Variants in CADPS observed in about 807,000 individuals in gnomAD.
CADPS encodes calcium dependent secretion activator, also known as calcium-dependent secretion activator 1.
Under a neutral mutation model 167.3 loss-of-function variants are expected in CADPS, and 57 were observed. The observed-to-expected ratio is 0.34, with a 90% CI of 0.28 to 0.42. The LOEUF is 0.42. Ranked by LOEUF, CADPS falls within the 20% of genes least tolerant of loss-of-function variation. The pLI, the probability that CADPS is intolerant of heterozygous loss-of-function variation, is 1.00. For missense variants in CADPS, 1,414 were observed against 1,738.1 expected, an observed-to-expected ratio of 0.81 and a Z score of 3.32; for synonymous variants, 676 against 635.3, an observed-to-expected ratio of 1.06 and a Z score of -0.96.
chr3:62,425,326 C>A (rs1228098646), intron 28 of CADPS, among the ~76,000 whole-genome samples: 1 of 152,100 alleles, frequency 6.6e-6, no homozygotes, highest in Non-Finnish European at 1.5e-5. Flanking sequence ...GCCAGTAGCA[C>A]CCTCCCGCCA....
Position 62,648,691 on chromosome 3 carries a change from C to CAAAA in CADPS, c.1203+2152_1203+2155dup, listed in dbSNP as rs55665003. ...TGGGCAACAGAGTGAGACGTTGTGTCAAAAAAAAAAAAAAGAGGAAAGAAA... is the reference window on the plus strand; with the variant it reads ...TGGGCAACAGAGTGAGACGTTGTGTCAAAAAAAAAAAAAAAAAAGAGGAAAGAAA... On this transcript the variant is annotated intron_variant, in intron 5 of 29. Coordinates refer to ENST00000383710, the MANE Select transcript of CADPS (RefSeq NM_003716.4). 1.5e-3 allele frequency among the ~76,000 whole-genome samples: 83 copies of CAAAA among 54,552 alleles called. 16 individuals are homozygous for CAAAA. Among genetic ancestry groups the CAAAA allele is most frequent in the South Asian group, 2.7e-3 (4 of 1,470 alleles). 35.8% of individuals were successfully genotyped at this position (54,552 alleles called of 152,430 possible).
rs116545611 is a variant in CADPS, at chr3:62,854,730, T to A, written c.441+19859A>T. 4.0e-3 allele frequency among the ~76,000 whole-genome samples: 606 copies of A among 152,340 alleles called. 2 individuals are homozygous for A. Among genetic ancestry groups the A allele is most frequent in the African/African-American group, 0.014 (583 of 41,582 alleles). ...TCTTCCCAATGTAAAACATCTACATTGAGCCTGAAAAATATTTCCTGTTTG... is the reference window on the plus strand; with the variant it reads ...TCTTCCCAATGTAAAACATCTACATAGAGCCTGAAAAATATTTCCTGTTTG... On this transcript the variant is annotated intron_variant, in intron 1 of 29. Coordinates refer to ENST00000383710, the MANE Select transcript of CADPS (RefSeq NM_003716.4).
intron 8 of CADPS, among the ~76,000 whole-genome samples, chr3:62,582,367 G>T (rs2083599724): frequency 6.6e-6 from 1 of 152,158 alleles, no homozygotes; most frequent in Non-Finnish European, 1.5e-5. Context: ...GATGGCTTGA[G>T]CCTGGGAGGC....
intron 27 of CADPS, among the ~76,000 whole-genome samples, chr3:62,441,893 C>A (rs1312885291): frequency 6.6e-6 from 1 of 152,174 alleles, no homozygotes; most frequent in Non-Finnish European, 1.5e-5. Flanking sequence ...TCAAGAATCA[C>A]TGATTTAGTC....
At chr3:62,861,435 T>G (rs2080785528) in intron 1 of CADPS, among the ~76,000 whole-genome samples, 1 of 152,202 alleles carries the variant, frequency 6.6e-6, no homozygotes, top group African/African-American at 2.4e-5. Flanking sequence ...CAACAATTGC[T>G]GTAGGGAAAT....
chr3:62,553,928 C>T (rs1393503634), intron 10 of CADPS, among the ~76,000 whole-genome samples: 1 of 152,104 alleles, frequency 6.6e-6, no homozygotes, highest in Non-Finnish European at 1.5e-5. Flanking sequence ...CACAGTCCCA[C>T]AATTCAAAGA....
intron 28 of CADPS, among the ~76,000 whole-genome samples, chr3:62,424,449 C>G (rs2052186571): frequency 6.6e-6 from 1 of 152,138 alleles, no homozygotes; most frequent in South Asian, 2.1e-4. Context: ...TCCCAAAGTG[C>G]TGGTACTACA....
chr3:62,550,582 G>A (rs907552616), intron 10 of CADPS, among the ~76,000 whole-genome samples: 1 of 152,128 alleles, frequency 6.6e-6, no homozygotes, highest in Non-Finnish European at 1.5e-5. Context: ...TGCAGCTTCT[G>A]ATTCAGTACG....
chr3:62,499,280 G>T lies in CADPS; in HGVS notation c.2600-12C>A. On this transcript the variant is annotated splice_polypyrimidine_tract_variant and intron_variant, in intron 17 of 29. Coordinates refer to ENST00000383710, the MANE Select transcript of CADPS (RefSeq NM_003716.4). ...CCGGCCTACATTTTCTGTAGTACAA[G>T]AGTTTGTGTTAAAATTCAGCGAAAG... The T allele has an allele frequency of 1.3e-6, 2 of 1,577,158 alleles. No homozygotes were observed. The highest frequency in any genetic ancestry group is 2.2e-5 in the East Asian group (1 of 44,666).
intron 10 of CADPS, among the ~76,000 whole-genome samples, chr3:62,554,903 C>T (rs950837323): frequency 2.0e-5 from 3 of 152,126 alleles, no homozygotes; most frequent in African/African-American, 7.2e-5. Context: ...CAGGTGCGTG[C>T]CACCACGTGC....
intron 1 of CADPS, among the ~76,000 whole-genome samples, chr3:62,815,187 G>A (rs376734486): frequency 1.9e-4 from 29 of 151,976 alleles, no homozygotes; most frequent in African/African-American, 7.0e-4. Context: ...GATTATAATA[G>A]CCCTGTACTG....
At chr3:62,576,018 C>T (rs1471515819) in intron 8 of CADPS, among the ~76,000 whole-genome samples, 5 of 152,160 alleles carry the variant, frequency 3.3e-5, no homozygotes, top group East Asian at 3.9e-4. Flanking sequence ...TGGGTGGAAA[C>T]ATGCTCATTA....
intron 19 of CADPS, among the ~76,000 whole-genome samples, chr3:62,493,140 T>C (rs1039123455): frequency 6.6e-6 from 1 of 152,172 alleles, no homozygotes; most frequent in Non-Finnish European, 1.5e-5. Flanking sequence ...CATATGTACA[T>C]TGAAAACCAA....
chr3:62,684,974 G>A (rs1202758403), intron 3 of CADPS, among the ~76,000 whole-genome samples: 2 of 152,014 alleles, frequency 1.3e-5, no homozygotes, highest in Non-Finnish European at 2.9e-5. Context: ...TTAAGATTAT[G>A]CAGCTCATTT....
At chr3:62,619,805 G>A (rs1264148813) in intron 6 of CADPS, among the ~76,000 whole-genome samples, 4 of 152,166 alleles carry the variant, frequency 2.6e-5, no homozygotes, top group African/African-American at 9.6e-5. Flanking sequence ...AATGAGAGGA[G>A]ACATTCTGAT....
intron 6 of CADPS, chr3:62,626,411 G>C (rs184451320): frequency 1.5e-6 from 1 of 668,470 alleles, no homozygotes; most frequent in Non-Finnish European, 2.7e-6. Context: ...GTAAACCAGG[G>C]AAATACACAG....
chr3:62,423,267 A>G (rs1372310033), intron 28 of CADPS, among the ~76,000 whole-genome samples: 4 of 152,310 alleles, frequency 2.6e-5, no homozygotes, highest in Middle Eastern at 6.8e-3. Flanking sequence ...TCACGAAAAG[A>G]CCTGCCCTAA....
Position 62,465,391 on chromosome 3 carries a change from C to A in CADPS, c.3612G>T (p.Leu1204Phe). Residue 1204 changes from leucine (L) to phenylalanine (F), a missense_variant, in exon 26 of 30, where the codon TTG (leucine) becomes TTT (phenylalanine). Physicochemically the swap from Leu to Phe is conservative, Grantham distance 22 (BLOSUM62 0). Around this residue, in one of 6 missense-constraint regions of CADPS, gnomAD observed 185 missense variants for 251.5 expected, o/e 0.74. Transcript: ENST00000383710. The surrounding 1 kb of genome is among the most constrained non-coding windows in gnomAD (Gnocchi z 4.1). ...CGGTAAATGACAGAAAAGAAGAAAA[C>A]AAAGTCCCTTCGTCATATCTGGATA... ...AKLSRYDEGT[L>F]FSSFLSFTVK... 6.2e-7 allele frequency: 1 copy of A among 1,607,718 alleles called. No homozygotes were observed. Among genetic ancestry groups the A allele is most frequent in the Non-Finnish European group, 8.5e-7 (1 of 1,177,260 alleles).
chr3:62,567,139 T>C (rs17696304), intron 9 of CADPS, among the ~76,000 whole-genome samples: 4,168 of 152,282 alleles, frequency 0.027, 95 homozygotes, highest in Non-Finnish European at 0.035. Flanking sequence ...GCTTTACTGA[T>C]GTTTTCCACA....
Sources: gnomAD v4.1 joint callset for allele counts (sites outside exome capture counted in the v4.1 genomes callset) on GRCh38, gnomAD v4.1.1 for gene constraint, gnomAD v4.1.1 regional missense constraint, Gnocchi (gnomAD v3.1) non-coding constraint, MANE v1.5 for transcripts, NCBI Gene and HGNC (gene_info 2026-07-23, HGNC 2026-07-21) for gene names.